CRYBG1: variants seen among roughly 807,000 people sequenced by gnomAD.
CRYBG1 encodes beta/gamma crystallin domain-containing protein 1.
In CRYBG1, 139 loss-of-function variants were observed where a neutral mutation model predicts 189.2. That is an observed-to-expected ratio of 0.73 (90% CI 0.64 to 0.85). The LOEUF is 0.85. CRYBG1 is among the 40% of genes least tolerant of loss of function. The pLI is 0.00. For missense variants in CRYBG1, 2,611 were observed against 2,675.8 expected (o/e 0.98, Z 0.53); for synonymous variants, 1,023 against 1,017.1 (o/e 1.01, Z -0.11).
At chr6:106,432,970 G>T (rs1771363020) in intron 1 of CRYBG1, among the ~76,000 whole-genome samples, 1 of 151,206 alleles carries the variant, frequency 6.6e-6, no homozygotes, top group Non-Finnish European at 1.5e-5. Context: ...CTCCTGAGTA[G>T]CTGGAACTAT....
intron 21 of CRYBG1, among the ~76,000 whole-genome samples, chr6:106,568,115 T>C (rs1774946099): frequency 6.8e-6 from 1 of 146,152 alleles, no homozygotes; most frequent in South Asian, 2.1e-4. Context: ...TGTTAGTCTC[T>C]TTACTCCTTT....
intron 1 of CRYBG1, among the ~76,000 whole-genome samples, chr6:106,400,768 C>T (rs1770706301): frequency 6.6e-6 from 1 of 152,114 alleles, no homozygotes. Flanking sequence ...AAGAAAATTA[C>T]AGCACCTACA....
At position 106,544,555 on chromosome 6, in the gene CRYBG1, GTTCT is replaced by G; in HGVS notation, c.5040-13_5040-10del. ...ATGTCTGGAAATGACTACTCCTCGT[GTTCT>G]TTATGTTGCAGTTGGGTTGCATATG... On this transcript the variant is annotated splice_polypyrimidine_tract_variant and intron_variant, in intron 11 of 21. Coordinates refer to ENST00000633556, the MANE Select transcript of CRYBG1 (RefSeq NM_001371242.2). 6.2e-7 allele frequency: 1 copy of G among 1,611,222 alleles called. No homozygotes were observed. Among genetic ancestry groups the G allele is most frequent in the Non-Finnish European group, 8.5e-7 (1 of 1,178,992 alleles).
rs902042084 is a variant in CRYBG1 at position 106,391,782 on chromosome 6, A to G, written c.173+30701A>G. Among the ~76,000 whole-genome samples, 3 of 152,272 alleles carry G rather than the reference A, an allele frequency of 2.0e-5. No homozygotes were observed. In the East Asian group the frequency reaches 5.8e-4, roughly 29 times the overall value. On this transcript the variant is annotated intron_variant, in intron 1 of 21. Coordinates refer to ENST00000633556, the MANE Select transcript of CRYBG1 (RefSeq NM_001371242.2). ...GACTTTGGTGCCTGATATAAACTAT[A>G]CTGAAGCCAAGGGGCAGAGCTCCCC...
chr6:106,415,299 G>A (rs991338338), intron 1 of CRYBG1, among the ~76,000 whole-genome samples: 2 of 152,202 alleles, frequency 1.3e-5, no homozygotes, highest in African/African-American at 4.8e-5. Flanking sequence ...GTAATTCTGT[G>A]TAAAAAGTGC....
intron 1 of CRYBG1, among the ~76,000 whole-genome samples, chr6:106,386,571 C>T (rs1216227729): frequency 6.6e-6 from 1 of 152,158 alleles, no homozygotes; most frequent in Non-Finnish European, 1.5e-5. Context: ...GTATTTGCAC[C>T]TGCTCCCCAG....
rs1041631532 is a variant in CRYBG1, at chr6:106,480,392, C to T, written c.312+28560C>T. On this transcript the variant is annotated intron_variant, in intron 2 of 21. Transcript: ENST00000633556. ...ATTAAAAGAAATTGTGGGCCGGGCG[C>T]GGTGGCTCACACCTGTAATCCCAGC... 4.6e-5 allele frequency among the ~76,000 whole-genome samples: 7 copies of T among 151,764 alleles called. 1 individual carries two copies. The highest frequency in any genetic ancestry group is 4.2e-4 in the South Asian group (2 of 4,796).
At chr6:106,482,632 G>A (rs1772492951) in intron 2 of CRYBG1, among the ~76,000 whole-genome samples, 2 of 152,036 alleles carry the variant, frequency 1.3e-5, no homozygotes, top group Non-Finnish European at 2.9e-5. Context: ...AAAATTAGCT[G>A]GGCGTGGTGG....
intron 2 of CRYBG1, among the ~76,000 whole-genome samples, chr6:106,495,817 AG>A (rs1772835928): frequency 2.9e-5 from 2 of 68,008 alleles, no homozygotes; most frequent in Admixed American, 1.4e-4. Flanking sequence ...TTTTTCCTTG[AG>A]TAAAAAAAAA....
At chr6:106,492,956 C>A (rs1215945652) in intron 2 of CRYBG1, among the ~76,000 whole-genome samples, 7 of 146,192 alleles carry the variant, frequency 4.8e-5, no homozygotes, top group Non-Finnish European at 9.0e-5. Flanking sequence ...ACAAATTAAC[C>A]TTTTTCTATT....
intron 1 of CRYBG1, among the ~76,000 whole-genome samples, chr6:106,441,835 A>G (rs1023914819): frequency 3.9e-5 from 6 of 152,250 alleles, no homozygotes; most frequent in Admixed American, 3.3e-4. Flanking sequence ...AGTTATAAAA[A>G]TTAATGTAAA....
Position 106,571,891 on chromosome 6 carries a change from T to C in CRYBG1, c.*3325T>C. On this transcript the variant is annotated 3_prime_UTR_variant, in exon 22 of 22. Transcript: ENST00000633556. ...TTTAAAGCTTGTATCATGGAATGTA[T>C]AATCTAATCTGGAAAAATGTTTGAA... 1.4e-6 allele frequency: 1 copy of C among 697,162 alleles called. No homozygotes were observed. The highest frequency in any genetic ancestry group is 2.5e-6 in the Non-Finnish European group (1 of 396,492). 43.2% of individuals were successfully genotyped at this position (697,162 alleles called of 1,614,324 possible). A position where few individuals can be genotyped will look rare whatever the true frequency, so the allele number is the denominator to read the frequency against.
chr6:106,450,074 A>G (rs1439685240), intron 1 of CRYBG1, among the ~76,000 whole-genome samples: 4 of 152,032 alleles, frequency 2.6e-5, no homozygotes, highest in Non-Finnish European at 4.4e-5. Context: ...AAAATACAAA[A>G]AAATTAGCTG....
chr6:106,451,682 C>T lies in CRYBG1; in HGVS notation c.174-12C>T, dbSNP rs759215510. 8 of 1,529,646 alleles carry T rather than the reference C, an allele frequency of 5.2e-6. No homozygotes were observed. The highest frequency in any genetic ancestry group is 1.7e-4 in the Middle Eastern group (1 of 5,972). The allele number at this position is 1,529,646 out of a possible 1,614,324, so 94.8% of individuals were successfully genotyped here. On this transcript the variant is annotated splice_polypyrimidine_tract_variant and intron_variant, in intron 1 of 21. Coordinates refer to ENST00000633556, the MANE Select transcript of CRYBG1 (RefSeq NM_001371242.2). ...TAGTGTATTGACATGACTGTGGTTC[C>T]GTTCTTTGCAGAGCTTTGGATGTAG... is the stretch of plus-strand genomic sequence containing the variant.
chr6:106,371,815 T>G (rs532726), intron 1 of CRYBG1, among the ~76,000 whole-genome samples: 1 of 152,044 alleles, frequency 6.6e-6, no homozygotes, highest in Non-Finnish European at 1.5e-5. Context: ...ATTGTCGTAA[T>G]GTTACCCTGT....
At chr6:106,375,078 A>G (rs981156911) in intron 1 of CRYBG1, among the ~76,000 whole-genome samples, 2 of 152,154 alleles carry the variant, frequency 1.3e-5, no homozygotes, top group African/African-American at 2.4e-5. Flanking sequence ...ACCTCTGTAT[A>G]TACCTTGTTT....
chr6:106,515,887 C>T (rs953159381), intron 3 of CRYBG1, among the ~76,000 whole-genome samples: 15 of 150,898 alleles, frequency 9.9e-5, no homozygotes, highest in Admixed American at 4.0e-4. Flanking sequence ...CGACCTCCCC[C>T]GGCTCAGGTG....
At chr6:106,382,200 A>G (rs1770301677) in intron 1 of CRYBG1, among the ~76,000 whole-genome samples, 1 of 152,206 alleles carries the variant, frequency 6.6e-6, no homozygotes, top group Admixed American at 6.6e-5. Context: ...TCAGTAGTCA[A>G]AATTGCAGGG....
At chr6:106,379,503 C>T (rs1450499594) in intron 1 of CRYBG1, among the ~76,000 whole-genome samples, 3 of 151,940 alleles carry the variant, frequency 2.0e-5, no homozygotes, top group Admixed American at 6.6e-5. Flanking sequence ...CCTTGTGATC[C>T]ACCCGCCTCG....
Sources: gnomAD v4.1 joint callset for allele counts (sites outside exome capture counted in the v4.1 genomes callset) on GRCh38, gnomAD v4.1.1 for gene constraint, MANE v1.5 for transcripts, NCBI Gene and HGNC (gene_info 2026-07-23, HGNC 2026-07-21) for gene names.